CRYBG1: variants seen among roughly 807,000 people sequenced by gnomAD.
CRYBG1 encodes the protein beta/gamma crystallin domain-containing protein 1.
In CRYBG1, 139 loss-of-function variants were observed where a neutral mutation model predicts 189.2. That is an observed-to-expected ratio of 0.73 (90% CI 0.64 to 0.85). The LOEUF (loss-of-function observed/expected upper bound fraction) is 0.85. CRYBG1 is among the 40% of genes least tolerant of loss of function. The pLI is 0.00. For missense variants in CRYBG1, 2,611 were observed against 2,675.8 expected (o/e 0.98, Z 0.53); for synonymous variants, 1,023 against 1,017.1 (o/e 1.01, Z -0.11).
intron 2 of CRYBG1, among the ~76,000 whole-genome samples, chr6:106,457,462 G>A (rs1771912202): frequency 6.6e-6 from 1 of 152,076 alleles, no homozygotes; most frequent in African/African-American, 2.4e-5. Context: ...TGCCACACTG[G>A]GGTTTAAATT....
In CRYBG1 at chr6:106,525,125, G is replaced by C. The variant is rs572903923; in HGVS notation, c.4246-8G>C. Reference sequence around the variant, plus strand: ...TTATTTGTTGTGTTTTTGTTCATCTGATTGCAGACACTTAGAGGAAGTGTC... The same window carrying C: ...TTATTTGTTGTGTTTTTGTTCATCTCATTGCAGACACTTAGAGGAAGTGTC... On this transcript the variant is annotated splice_region_variant and splice_polypyrimidine_tract_variant and intron_variant, in intron 4 of 21. Coordinates refer to ENST00000633556, the MANE Select transcript of CRYBG1 (RefSeq NM_001371242.2). 4 of 1,613,746 alleles carry C rather than the reference G, an allele frequency of 2.5e-6. No individual in the cohort carries two copies. In the Admixed American group the frequency reaches 6.7e-5, roughly 27 times the overall value.
intron 1 of CRYBG1, among the ~76,000 whole-genome samples, chr6:106,384,558 C>T (rs986343737): frequency 2.0e-5 from 3 of 151,998 alleles, no homozygotes; most frequent in Non-Finnish European, 4.4e-5. Flanking sequence ...CAGTCTACTC[C>T]GTAATCTCAT....
intron 2 of CRYBG1, among the ~76,000 whole-genome samples, chr6:106,510,633 G>T (rs1217528889): frequency 1.3e-5 from 2 of 152,154 alleles, no homozygotes; most frequent in Non-Finnish European, 2.9e-5. Context: ...AGTCCCAAGC[G>T]CATCCTTCAG....
chr6:106,477,860 TA>T (rs778816531), intron 2 of CRYBG1, among the ~76,000 whole-genome samples: 1 of 152,232 alleles, frequency 6.6e-6, no homozygotes, highest in Non-Finnish European at 1.5e-5. Context: ...TCTTCCTGTG[TA>T]AAGGATCTCA....
intron 21 of CRYBG1, 29 bp from the exon 22 acceptor site, chr6:106,568,443 T>G (rs1297716700): frequency 9.0e-6 from 14 of 1,556,114 alleles, no homozygotes; most frequent in Non-Finnish European, 1.2e-5. Flanking sequence ...ATGGGTACAT[T>G]CATCTTTTAT....
In CRYBG1 at chr6:106,447,547, A is replaced by AATATATAT. The variant is rs59943398; in HGVS notation, c.174-4128_174-4121dup. Among the ~76,000 whole-genome samples, 295 of 141,050 alleles carry AATATATAT rather than the reference A, an allele frequency of 2.1e-3. 1 individual carries two copies. The highest frequency in any genetic ancestry group is 6.1e-3 in the East Asian group (28 of 4,618). The allele number at this position is 141,050 out of a possible 152,430, so 92.5% of individuals were successfully genotyped here. A position where few individuals can be genotyped will look rare whatever the true frequency, so the allele number is the denominator to read the frequency against. ...ATGCTTGTACCTCATGTACCTCATA[A>AATATATAT]ATATATATATATATATATATATATA... On this transcript the variant is annotated intron_variant, in intron 1 of 21. Transcript: ENST00000633556.
rs780184647 is a variant in CRYBG1 at position 106,512,794 on chromosome 6, C to T, written c.1677C>T (p.Ser559=). The T allele has an allele frequency of 2.0e-5, 32 of 1,579,100 alleles. No individual in the cohort carries two copies. In the African/African-American group the frequency reaches 4.0e-4, roughly 20 times the overall value. Residue 559 remains serine (S), a synonymous_variant, in exon 3 of 22, where the codon AGC becomes AGT. Transcript: ENST00000633556. ...TCACCAAGGGCACTGCGGCCGAGAG[C>T]GGGGAGGAGGCGGCGCGGGCCATCC... The part of the protein sequence containing the change: ...SPVTKGTAAE[S]GEEAARAIPR...
At position 106,512,414 on chromosome 6, in the gene CRYBG1, G is replaced by A. The variant is rs781241734; in HGVS notation, c.1297G>A (p.Ala433Thr). The A allele has an allele frequency of 1.9e-5, 30 of 1,608,424 alleles. No homozygotes were observed. Among genetic ancestry groups the A allele is most frequent in the Non-Finnish European group, 4.2e-6 (5 of 1,178,276 alleles). The change falls in exon 3 of 22, where the codon GCG becomes ACG. Residue 433 changes from alanine (A) to threonine (T), a missense_variant. Around this residue, in one of 3 missense-constraint regions of CRYBG1, gnomAD observed 985 missense variants for 924.4 expected, o/e 1.07. Coordinates refer to ENST00000633556, the MANE Select transcript of CRYBG1 (RefSeq NM_001371242.2). ...GSQKSTDSPGADAELPESAAR... is the reference protein window; with the variant it reads ...GSQKSTDSPGTDAELPESAAR... ...GCAGAAATCCACCGACTCCCCCGGC[G>A]CGGACGCCGAGCTCCCTGAGAGCGC...
At chr6:106,504,762 T>A (rs1481707360) in intron 2 of CRYBG1, among the ~76,000 whole-genome samples, 1 of 152,114 alleles carries the variant, frequency 6.6e-6, no homozygotes, top group African/African-American at 2.4e-5. Context: ...TTAATTTATT[T>A]TTAATGCCTA....
At chr6:106,447,503 T>C (rs1416371220) in intron 1 of CRYBG1, among the ~76,000 whole-genome samples, 1 of 151,042 alleles carries the variant, frequency 6.6e-6, no homozygotes, top group African/African-American at 2.4e-5. Flanking sequence ...TTCTTGATGA[T>C]GTGATTATTA....
At chr6:106,541,413 C>T (rs961328476) in intron 9 of CRYBG1, 173 bp from the exon 10 acceptor site, 3 of 701,526 alleles carry the variant, frequency 4.3e-6, no homozygotes, top group Non-Finnish European at 7.8e-6. Flanking sequence ...AGCCTGCCTT[C>T]CTCGTGTCTT....
At chr6:106,550,850 G>T (rs549183233) in intron 13 of CRYBG1, among the ~76,000 whole-genome samples, 2 of 151,400 alleles carry the variant, frequency 1.3e-5, no homozygotes, top group South Asian at 2.1e-4. Context: ...TGTTTCCTTA[G>T]AATACAATTA....
chr6:106,512,744 A>G lies in CRYBG1; in HGVS notation c.1627A>G (p.Lys543Glu), dbSNP rs1208230722. The G allele has an allele frequency of 1.9e-6, 3 of 1,571,330 alleles. No homozygotes were observed. Among genetic ancestry groups the G allele is most frequent in the South Asian group, 2.3e-5 (2 of 85,988 alleles). ...PRAPAKESPP[K>E]RVPDPSPVTK... The stretch of plus-strand genomic sequence containing the variant: ...GGCTCCCGCCAAGGAGTCCCCACCC[A>G]AGAGGGTGCCCGATCCCAGCCCAGT... Residue 543 changes from lysine (K) to glutamate (E), a missense_variant, in exon 3 of 22, where the codon AAG becomes GAG. By Grantham distance (56) the Lys-to-Glu change is moderately conservative. This residue lies in a region of CRYBG1 where 985 missense variants were observed against 924.4 expected (regional missense o/e 1.07). Transcript: ENST00000633556.
chr6:106,363,277 G>A (rs1267618612), intron 1 of CRYBG1, among the ~76,000 whole-genome samples: 2 of 150,504 alleles, frequency 1.3e-5, no homozygotes, highest in East Asian at 2.0e-4. Context: ...ATTAAAATAG[G>A]AGATTTGCTT....
chr6:106,370,555 TA>T (rs1770003658), intron 1 of CRYBG1, among the ~76,000 whole-genome samples: 1 of 152,248 alleles, frequency 6.6e-6, no homozygotes, highest in African/African-American at 2.4e-5. Context: ...GGTTCCACCT[TA>T]CATTGACCTT....
chr6:106,554,696 G>A (rs923356836), intron 16 of CRYBG1, among the ~76,000 whole-genome samples: 8 of 152,076 alleles, frequency 5.3e-5, no homozygotes, highest in African/African-American at 1.9e-4. Context: ...CCCACTCCTC[G>A]TTATCCCCTG....
chr6:106,540,522 AG>A (rs1373099616), intron 9 of CRYBG1, among the ~76,000 whole-genome samples: 7 of 152,138 alleles, frequency 4.6e-5, no homozygotes, highest in Admixed American at 4.6e-4. Flanking sequence ...AAGTTTTGTT[AG>A]TTTTGTGAAT....
chr6:106,445,653 C>A (rs1451545823), intron 1 of CRYBG1, among the ~76,000 whole-genome samples: 3 of 152,180 alleles, frequency 2.0e-5, no homozygotes, highest in East Asian at 3.8e-4. Context: ...TAATTTAATT[C>A]TCTTAACAAT....
chr6:106,515,938 C>T (rs1041361408), intron 3 of CRYBG1, among the ~76,000 whole-genome samples: 7 of 151,486 alleles, frequency 4.6e-5, no homozygotes, highest in African/African-American at 9.7e-5. Flanking sequence ...GGACTACAGG[C>T]GCACCACCAT....
Sources: allele counts gnomAD v4.1 joint callset (sites outside exome capture counted in the v4.1 genomes callset), GRCh38; gene constraint gnomAD v4.1.1; regional missense constraint gnomAD v4.1.1; transcripts MANE v1.5; gene names NCBI Gene and HGNC (gene_info 2026-07-23, HGNC 2026-07-21).